The following ZMYM5 variants were observed in gnomAD, a reference collection of about 807,000 sequenced individuals.
ZMYM5 encodes zinc finger MYM-type containing 5, also known as zinc finger MYM-type protein 5.
A neutral mutation model predicts 61.8 loss-of-function variants in ZMYM5; 41 were observed. The ratio of observed to expected loss-of-function variants is 0.66; its 90% CI spans 0.52 to 0.86. The LOEUF is 0.86. Among genes scored for constraint, ZMYM5 ranks in the 40% least tolerant of loss-of-function variants. ZMYM5 has a pLI of 0.00. For synonymous variants in ZMYM5, 257 were observed against 276.4 expected (o/e 0.93, Z 0.70); for missense variants, 706 against 786.7 (o/e 0.90, Z 1.23).
rs191024478 is a variant in ZMYM5 at position 19,853,236 on chromosome 13, G to A, written c.-10-1046C>T. On this transcript the variant is annotated intron_variant, in intron 2 of 7. Coordinates refer to ENST00000337963, the MANE Select transcript of ZMYM5 (RefSeq NM_001142684.2). ...CTATGATGACAGAAATAATCTAGCAGAGACAATAGTTGAAAAATCTGGAAG... is the reference window on the plus strand; with the variant it reads ...CTATGATGACAGAAATAATCTAGCAAAGACAATAGTTGAAAAATCTGGAAG... 2.8e-4 allele frequency among the ~76,000 whole-genome samples: 42 copies of A among 152,320 alleles called. No individual in the cohort carries two copies. The Middle Eastern group carries it at 0.01, about 37-fold the overall frequency.
Position 19,825,185 on chromosome 13 carries a change from C to T in ZMYM5, c.1302G>A (p.Arg434=), listed in dbSNP as rs747747295. 3.9e-6 allele frequency: 5 copies of T among 1,286,546 alleles called. No individual in the cohort carries two copies. Among genetic ancestry groups the T allele is most frequent in the Non-Finnish European group, 5.1e-6 (5 of 984,806 alleles). 79.7% of individuals were successfully genotyped at this position (1,286,546 alleles called of 1,614,324 possible). A position where few individuals can be genotyped will look rare whatever the true frequency, so the allele number is the denominator to read the frequency against. ...TCTCATTTTCTTCTCTAAAAGCATT[C>T]CTTTTTCTATTTTCTGATGCTGTTA... ...KKLTASENRK[R]NAFREENEKQ... Residue 434 remains arginine, a synonymous_variant, in exon 8 of 8, where the codon AGG becomes AGA. Coordinates refer to ENST00000337963, the MANE Select transcript of ZMYM5 (RefSeq NM_001142684.2).
At chr13:19,851,492 A>G (rs1477537154) in intron 3 of ZMYM5, 44 bp from the exon 4 acceptor site, 13 of 1,600,726 alleles carry the variant, frequency 8.1e-6, no homozygotes, top group Non-Finnish European at 9.4e-6. Context: ...ATTAACACCA[A>G]AATTACTTGA....
chr13:19,850,080 A>G (rs1052751293), intron 4 of ZMYM5, among the ~76,000 whole-genome samples: 1 of 152,150 alleles, frequency 6.6e-6, no homozygotes, highest in Non-Finnish European at 1.5e-5. Context: ...TCAACAGGCT[A>G]TAAACACTAA....
chr13:19,862,935 C>G (rs568889914), intron 1 of ZMYM5, among the ~76,000 whole-genome samples: 7 of 152,336 alleles, frequency 4.6e-5, no homozygotes, highest in African/African-American at 1.4e-4. Context: ...CCATTAAACT[C>G]GCCCAGATCA....
intron 2 of ZMYM5, among the ~76,000 whole-genome samples, chr13:19,856,325 G>A (rs11842421): frequency 6.6e-6 from 1 of 151,976 alleles, no homozygotes; most frequent in African/African-American, 2.4e-5. Flanking sequence ...ATATGGCCTG[G>A]TCCATATCAG....
intron 5 of ZMYM5, among the ~76,000 whole-genome samples, chr13:19,838,100 G>C (rs1952732602): frequency 1.3e-5 from 2 of 152,188 alleles, no homozygotes; most frequent in Non-Finnish European, 2.9e-5. Context: ...TAATAGGCTG[G>C]GCACAGTAGC....
chr13:19,837,845 T>C (rs769676845), intron 5 of ZMYM5, 24 bp from the exon 6 acceptor site: 7 of 1,566,318 alleles, frequency 4.5e-6, no homozygotes, highest in Non-Finnish European at 6.0e-6. Context: ...GATAGACACA[T>C]AATTTAAGAA....
At position 19,824,529 on chromosome 13, in the gene ZMYM5, T is replaced by C. The variant is rs9508907; in HGVS notation, c.1958A>G (p.His653Arg). ...ATTTTTCTCATTTTCATATAATCTG[T>C]GTTCTGCAGCATCAATAGCTTTATT... Reference protein sequence around the residue: ...KKNKAIDAAEHRLYENEKNDG... With the variant: ...KKNKAIDAAERRLYENEKNDG... Residue 653 changes from histidine to arginine, a missense_variant, in exon 8 of 8, where the codon CAC becomes CGC. By Grantham distance (29) the His-to-Arg change is conservative. Coordinates refer to ENST00000337963, the MANE Select transcript of ZMYM5 (RefSeq NM_001142684.2). 0.86 allele frequency: 1,140,416 copies of C among 1,328,998 alleles called. 492,416 individuals carry two copies. Among genetic ancestry groups the C allele is most frequent in the East Asian group, 0.96 (20,992 of 21,760 alleles). 82.3% of individuals were successfully genotyped at this position (1,328,998 alleles called of 1,614,324 possible). A position where few individuals can be genotyped will look rare whatever the true frequency, so the allele number is the denominator to read the frequency against.
At chr13:19,830,680 T>C (rs1891160695) in intron 7 of ZMYM5, among the ~76,000 whole-genome samples, 1 of 150,726 alleles carries the variant, frequency 6.6e-6, no homozygotes, top group Non-Finnish European at 1.5e-5. Flanking sequence ...ACTACAGGTA[T>C]GTGTCACCAC....
Position 19,824,422 on chromosome 13 carries a change from G to C in ZMYM5, c.*55C>G, listed in dbSNP as rs2138465427. On this transcript the variant is annotated 3_prime_UTR_variant, in exon 8 of 8. Coordinates refer to ENST00000337963, the MANE Select transcript of ZMYM5 (RefSeq NM_001142684.2). ...TAGTACTGACTATTGCAGGACAGATGTTTTCTGAGTAATGTAAGATTCTGA... is the reference window on the plus strand; with the variant it reads ...TAGTACTGACTATTGCAGGACAGATCTTTTCTGAGTAATGTAAGATTCTGA... 1 of 1,249,220 alleles carries C rather than the reference G, an allele frequency of 8.0e-7. No homozygotes were observed. Among genetic ancestry groups the C allele is most frequent in the African/African-American group, 1.5e-5 (1 of 64,528 alleles). 77.4% of individuals were successfully genotyped at this position (1,249,220 alleles called of 1,614,324 possible). A position where few individuals can be genotyped will look rare whatever the true frequency, so the allele number is the denominator to read the frequency against.
intron 2 of ZMYM5, among the ~76,000 whole-genome samples, chr13:19,861,010 A>G (rs1164824011): frequency 7.0e-6 from 1 of 143,674 alleles, no homozygotes; most frequent in Non-Finnish European, 1.5e-5. Flanking sequence ...AAGACAGGGT[A>G]TGGCTCTGTC....
chr13:19,851,358 G>A lies in ZMYM5; in HGVS notation c.583C>T (p.Pro195Ser), dbSNP rs760732013. The change falls in exon 4 of 8, where the codon CCT becomes TCT. Residue 195 changes from proline (P) to serine (S), a missense_variant. Physicochemically the swap from Pro to Ser is moderately conservative, Grantham distance 74 (BLOSUM62 -1). Transcript: ENST00000337963. Reference sequence around the variant, plus strand: ...AACAGTATCACTTACTGCTTACCAGGACTATGATGAGTTGCAAATTCTCCA... The same window carrying A: ...AACAGTATCACTTACTGCTTACCAGAACTATGATGAGTTGCAAATTCTCCA... ...QNGEFATHHS[P>S]DSWISQSASF... The A allele has an allele frequency of 1.9e-6, 3 of 1,613,426 alleles. No individual in the cohort carries two copies. Among genetic ancestry groups the A allele is most frequent in the South Asian group, 2.2e-5 (2 of 91,050 alleles).
chr13:19,836,574 G>GTTGGGAT (rs1219585620), intron 6 of ZMYM5, among the ~76,000 whole-genome samples: 1 of 152,134 alleles, frequency 6.6e-6, no homozygotes, highest in Non-Finnish European at 1.5e-5. Context: ...CTCCTAAGCA[G>GTTGGGAT]TTGGGATTAT....
chr13:19,848,635 G>A (rs1435353055), intron 4 of ZMYM5, among the ~76,000 whole-genome samples: 1 of 152,030 alleles, frequency 6.6e-6, no homozygotes, highest in Non-Finnish European at 1.5e-5. Flanking sequence ...CCAGGTTCAA[G>A]TGATTTTCCT....
chr13:19,826,751 T>A (rs1173915580), intron 7 of ZMYM5, among the ~76,000 whole-genome samples: 2 of 142,400 alleles, frequency 1.4e-5, no homozygotes, highest in Admixed American at 7.0e-5. Context: ...GGAGACTCCG[T>A]CTCGTTAAAA....
chr13:19,846,035 G>A (rs9578226), intron 4 of ZMYM5, among the ~76,000 whole-genome samples: 14,928 of 151,984 alleles, frequency 0.098, 854 homozygotes, highest in African/African-American at 0.16. Context: ...CTCATCTCTT[G>A]GCGTAAATTC....
intron 2 of ZMYM5, among the ~76,000 whole-genome samples, chr13:19,857,780 G>C (rs1250769173): frequency 6.6e-6 from 1 of 152,130 alleles, no homozygotes; most frequent in African/African-American, 2.4e-5. Flanking sequence ...TTGGGAGGCT[G>C]AATAAGATGG....
chr13:19,827,433 C>A (rs995134033), intron 7 of ZMYM5, among the ~76,000 whole-genome samples: 2 of 152,004 alleles, frequency 1.3e-5, no homozygotes, highest in Admixed American at 1.3e-4. Context: ...CTATTTTAAT[C>A]CACTAATACA....
chr13:19,845,121 T>C lies in ZMYM5; in HGVS notation c.587-6136A>G, dbSNP rs142194458. ...TGCAAACAGTAGAAACTACCCCAAA[T>C]AACAAACTACTAAATGACATATAAA... On this transcript the variant is annotated intron_variant, in intron 4 of 7. Coordinates refer to ENST00000337963, the MANE Select transcript of ZMYM5 (RefSeq NM_001142684.2). Among the ~76,000 whole-genome samples the C allele has an allele frequency of 8.3e-3, 1,260 of 152,264 alleles. 18 individuals carry two copies. The highest frequency in any genetic ancestry group is 0.029 in the African/African-American group (1,209 of 41,550).
Sources: gnomAD v4.1 joint callset for allele counts (sites outside exome capture counted in the v4.1 genomes callset) on GRCh38, gnomAD v4.1.1 for gene constraint, MANE v1.5 for transcripts, NCBI Gene and HGNC (gene_info 2026-07-23, HGNC 2026-07-21) for gene names.